The following AKT3 variants were observed in gnomAD, a reference collection of about 807,000 sequenced individuals.
AKT3 encodes AKT serine/threonine kinase 3.
AKT3 carries 15 observed loss-of-function variants against 65.3 expected under a neutral mutation model. That is an observed-to-expected ratio of 0.23 (90% CI 0.15 to 0.35). The LOEUF is 0.35. Among genes scored for constraint, AKT3 ranks in the 10% least tolerant of loss-of-function variants. AKT3 has a pLI of 1.00. For missense variants in AKT3, 243 were observed against 576.5 expected, an observed-to-expected ratio of 0.42 and a Z score of 5.92; for synonymous variants, 206 against 183.8, an observed-to-expected ratio of 1.12 and a Z score of -0.98.
chr1:243,626,476 G>T, intron 6 of AKT3, among the ~76,000 whole-genome samples: 1 of 152,120 alleles, frequency 6.6e-6, no homozygotes, highest in South Asian at 2.1e-4. Flanking sequence ...ACCAAGCTGG[G>T]AAGCAAAAAT....
chr1:243,829,956 G>GC (rs1157360507), intron 2 of AKT3, among the ~76,000 whole-genome samples: 1 of 152,172 alleles, frequency 6.6e-6, no homozygotes, highest in East Asian at 1.9e-4. Context: ...GATCACATCT[G>GC]CAGTAACAGA....
Position 243,693,643 on chromosome 1 carries a change from T to A in AKT3, c.172+1948A>T, listed in dbSNP as rs527307304. 5.9e-5 allele frequency among the ~76,000 whole-genome samples: 9 copies of A among 152,200 alleles called. No homozygotes were observed. In the South Asian group the frequency reaches 1.9e-3, roughly 32 times the overall value. On this transcript the variant is annotated intron_variant, in intron 3 of 13. Coordinates refer to ENST00000673466, the MANE Select transcript of AKT3 (RefSeq NM_005465.7). ...TAAAGATCAGAGTTTCAGAGAATAATCTGCCCAAGGTCCTATTACTTGCAG... is the reference window on the plus strand; with the variant it reads ...TAAAGATCAGAGTTTCAGAGAATAAACTGCCCAAGGTCCTATTACTTGCAG...
At chr1:243,573,456 G>C (rs1352383449) in intron 8 of AKT3, among the ~76,000 whole-genome samples, 1 of 152,080 alleles carries the variant, frequency 6.6e-6, no homozygotes. Flanking sequence ...TGATTTCAAA[G>C]ACAAGACTGT....
At chr1:243,589,782 G>C (rs1676095941) in intron 8 of AKT3, among the ~76,000 whole-genome samples, 1 of 152,182 alleles carries the variant, frequency 6.6e-6, no homozygotes, top group South Asian at 2.1e-4. Flanking sequence ...AGGCAGGACT[G>C]CAGGTATCTC....
intron 12 of AKT3, among the ~76,000 whole-genome samples, chr1:243,542,905 G>A (rs1331605848): frequency 3.3e-5 from 5 of 152,056 alleles, no homozygotes; most frequent in East Asian, 1.9e-4. Flanking sequence ...AGAGCCTCGC[G>A]GGTCACACAG....
At chr1:243,717,916 A>C (rs1308362859) in intron 2 of AKT3, among the ~76,000 whole-genome samples, 1 of 152,244 alleles carries the variant, frequency 6.6e-6, no homozygotes, top group Non-Finnish European at 1.5e-5. Context: ...CTGGAATCTC[A>C]AATTCCTTTT....
At chr1:243,655,326 T>C (rs1337243786) in intron 4 of AKT3, among the ~76,000 whole-genome samples, 4 of 152,188 alleles carry the variant, frequency 2.6e-5, no homozygotes, top group Non-Finnish European at 5.9e-5. Context: ...TGAAAGCTAT[T>C]ATCCATTTGT....
chr1:243,673,210 T>C (rs1683271571), intron 3 of AKT3, among the ~76,000 whole-genome samples: 1 of 152,238 alleles, frequency 6.6e-6, no homozygotes, highest in Non-Finnish European at 1.5e-5. Flanking sequence ...TTCAAACATA[T>C]TTCTTGATTT....
At chr1:243,656,733 C>T (rs780669105) in intron 4 of AKT3, among the ~76,000 whole-genome samples, 5 of 152,042 alleles carry the variant, frequency 3.3e-5, no homozygotes, top group African/African-American at 4.8e-5. Context: ...ATGTTGGGGG[C>T]GAGGCATACG....
At chr1:243,580,793 C>A (rs1359786894) in intron 8 of AKT3, among the ~76,000 whole-genome samples, 2 of 152,172 alleles carry the variant, frequency 1.3e-5, no homozygotes, top group Non-Finnish European at 2.9e-5. Context: ...GCTGCTCCAT[C>A]TCCAAGCACA....
intron 5 of AKT3, among the ~76,000 whole-genome samples, chr1:243,645,190 T>A (rs1165756056): frequency 6.6e-6 from 1 of 152,176 alleles, no homozygotes; most frequent in African/African-American, 2.4e-5. Context: ...TCCCTGAAGA[T>A]TAATTTACAA....
Position 243,831,179 on chromosome 1 carries a change from C to T in AKT3, c.46+11946G>A, listed in dbSNP as rs139667943. Among the ~76,000 whole-genome samples the T allele has an allele frequency of 7.2e-5, 11 of 152,144 alleles. No individual in the cohort carries two copies. In the East Asian group the frequency reaches 9.7e-4, roughly 13 times the overall value. Reference sequence around the variant, plus strand: ...TATCACATACTGATTAAGAGACTACCGTGCTCAAAATAATGGTGAACTGTA... The same window carrying T: ...TATCACATACTGATTAAGAGACTACTGTGCTCAAAATAATGGTGAACTGTA... On this transcript the variant is annotated intron_variant, in intron 2 of 13. Coordinates refer to ENST00000673466, the MANE Select transcript of AKT3 (RefSeq NM_005465.7).
At chr1:243,658,925 G>A (rs1300340543) in intron 4 of AKT3, among the ~76,000 whole-genome samples, 4 of 151,976 alleles carry the variant, frequency 2.6e-5, no homozygotes, top group Middle Eastern at 3.4e-3. Context: ...CCAGCTACTG[G>A]GGAGGCTAAG....
chr1:243,645,452 T>C (rs1680734733), intron 5 of AKT3, among the ~76,000 whole-genome samples: 1 of 152,202 alleles, frequency 6.6e-6, no homozygotes, highest in Non-Finnish European at 1.5e-5. Flanking sequence ...TCCAAGATTG[T>C]TCACTTTCCT....
intron 2 of AKT3, among the ~76,000 whole-genome samples, chr1:243,784,785 T>C (rs1478305585): frequency 6.6e-6 from 1 of 152,220 alleles, no homozygotes; most frequent in Non-Finnish European, 1.5e-5. Context: ...CGGCCTCCTG[T>C]GCTCCCCCTC....
At chr1:243,494,249 C>T (rs1343145910) in intron 13 of AKT3, among the ~76,000 whole-genome samples, 1 of 152,024 alleles carries the variant, frequency 6.6e-6, no homozygotes, top group African/African-American at 2.4e-5. Context: ...GATTTTCACC[C>T]GAATTGTCAG....
At chr1:243,698,102 AAAAT>A (rs1340114055) in intron 2 of AKT3, among the ~76,000 whole-genome samples, 1 of 152,114 alleles carries the variant, frequency 6.6e-6, no homozygotes, top group Non-Finnish European at 1.5e-5. Flanking sequence ...CCCACGTTGA[AAAAT>A]AAAATAATTC....
intron 2 of AKT3, among the ~76,000 whole-genome samples, chr1:243,704,187 T>A (rs1685647303): frequency 1.3e-5 from 2 of 152,140 alleles, no homozygotes; most frequent in Non-Finnish European, 2.9e-5. Flanking sequence ...CAAGACCACC[T>A]AGATCAAAAA....
At chr1:243,518,890 T>C (rs1256690594) in intron 12 of AKT3, among the ~76,000 whole-genome samples, 1 of 152,170 alleles carries the variant, frequency 6.6e-6, no homozygotes, top group Non-Finnish European at 1.5e-5. Flanking sequence ...AGACATCAGT[T>C]TGGACAGAGC....
Sources: gnomAD v4.1 joint callset for allele counts (sites outside exome capture counted in the v4.1 genomes callset) on GRCh38, gnomAD v4.1.1 for gene constraint, MANE v1.5 for transcripts, NCBI Gene and HGNC (gene_info 2026-07-23, HGNC 2026-07-21) for gene names.